The following FAM20C variants were observed in gnomAD, a reference collection of about 807,000 sequenced individuals.
FAM20C encodes FAM20C golgi associated secretory pathway kinase, also known as extracellular serine/threonine protein kinase FAM20C.
Under a neutral mutation model 51.5 loss-of-function variants are expected in FAM20C, and 40 were observed. The ratio of observed to expected loss-of-function variants is 0.78; its 90% CI spans 0.60 to 1.01. The LOEUF is 1.01. FAM20C is among the 50% of genes least tolerant of loss of function. The pLI is 0.00. For missense variants in FAM20C, 861 were observed against 844.7 expected, an observed-to-expected ratio of 1.02 and a Z score of -0.24; for synonymous variants, 406 against 380.6, an observed-to-expected ratio of 1.07 and a Z score of -0.78.
At chr7:248,276 GCA>G (rs1562393916) in intron 4 of FAM20C, 37 bp from the exon 5 acceptor site, 1 of 1,449,906 alleles carries the variant, frequency 6.9e-7, no homozygotes, top group South Asian at 1.2e-5. Context: ...CCGCTGAGCC[GCA>G]CAGAGCACAG....
chr7:241,502 G>C (rs1197656530), intron 3 of FAM20C, among the ~76,000 whole-genome samples: 1 of 151,968 alleles, frequency 6.6e-6, no homozygotes, highest in Non-Finnish European at 1.5e-5. Context: ...CGATGGAGCC[G>C]GGTCTTAGTC....
intron 2 of FAM20C, among the ~76,000 whole-genome samples, chr7:203,989 A>G (rs1320506815): frequency 6.6e-6 from 1 of 152,236 alleles, no homozygotes; most frequent in Non-Finnish European, 1.5e-5. Context: ...TAAAAAATGT[A>G]GTCACTATTC....
Position 253,756 on chromosome 7 carries a change from G to A in FAM20C, c.1073-2093G>A, listed in dbSNP as rs567672655. ...CGCCCGGGAGGCCCCTTTAATACCCGATTTGGATCTGCAAAGAGAAATGGC... is the reference window on the plus strand; with the variant it reads ...CGCCCGGGAGGCCCCTTTAATACCCAATTTGGATCTGCAAAGAGAAATGGC... On this transcript the variant is annotated intron_variant, in intron 5 of 9. Coordinates refer to ENST00000313766, the MANE Select transcript of FAM20C (RefSeq NM_020223.4). Among the ~76,000 whole-genome samples, 80 of 146,664 alleles carry A rather than the reference G, an allele frequency of 5.5e-4. No homozygotes were observed. In the Middle Eastern group the frequency reaches 0.014, roughly 26 times the overall value.
chr7:208,278 G>C (rs561486670), intron 2 of FAM20C, among the ~76,000 whole-genome samples: 1 of 151,776 alleles, frequency 6.6e-6, no homozygotes, highest in South Asian at 2.1e-4. Flanking sequence ...GTTGCCTGCA[G>C]GTAAGCACAC....
At position 222,781 on chromosome 7, in the gene FAM20C, C is replaced by T. The variant is rs149352692; in HGVS notation, c.863+13805C>T. Among the ~76,000 whole-genome samples the T allele has an allele frequency of 7.0e-4, 106 of 152,182 alleles. No homozygotes were observed. In the East Asian group the frequency reaches 0.015, roughly 22 times the overall value. On this transcript the variant is annotated intron_variant, in intron 3 of 9. Transcript: ENST00000313766. ...GTGCTCATGTGTATGAGTAGGTGAG[C>T]GTGTGGGTGTGCATTGCCTGTGTAT... is the stretch of plus-strand genomic sequence containing the variant.
At chr7:253,359 T>C (rs1788472194) in intron 5 of FAM20C, among the ~76,000 whole-genome samples, 3 of 152,312 alleles carry the variant, frequency 2.0e-5, no homozygotes, top group South Asian at 4.1e-4. Flanking sequence ...AGGAGCCATC[T>C]TCGTCCTTGC....
chr7:216,758 A>C (rs1307951347), intron 3 of FAM20C, among the ~76,000 whole-genome samples: 1 of 151,540 alleles, frequency 6.6e-6, no homozygotes, highest in Admixed American at 6.6e-5. Flanking sequence ...ACTGTCTGCA[A>C]ACAGCTGTCC....
At chr7:243,891 T>C (rs1788035552) in intron 3 of FAM20C, among the ~76,000 whole-genome samples, 1 of 150,928 alleles carries the variant, frequency 6.6e-6, no homozygotes, top group South Asian at 2.1e-4. Flanking sequence ...ACTGCCCAAC[T>C]GATAAGTAGC....
intron 3 of FAM20C, among the ~76,000 whole-genome samples, chr7:230,372 T>TTGGGGG (rs770436412): frequency 1.5e-3 from 11 of 7,464 alleles, no homozygotes; most frequent in Non-Finnish European, 3.3e-3. Flanking sequence ...CAGGACGGGG[T>TTGGGGG]GGGGGGGGGG....
At chr7:213,481 G>A (rs755860052) in intron 3 of FAM20C, among the ~76,000 whole-genome samples, 3 of 152,228 alleles carry the variant, frequency 2.0e-5, no homozygotes, top group East Asian at 3.8e-4. Flanking sequence ...TGGTTCCAAC[G>A]CTCATCGGTG....
chr7:219,572 C>G (rs34370219), intron 3 of FAM20C, among the ~76,000 whole-genome samples: 69,567 of 152,036 alleles, frequency 0.46, 16,411 homozygotes, highest in South Asian at 0.61. Context: ...CTGTGCAGAC[C>G]CCTCCTGGGG....
chr7:219,323 A>T (rs146064788), intron 3 of FAM20C, among the ~76,000 whole-genome samples: 311 of 152,052 alleles, frequency 2.0e-3, no homozygotes, highest in Non-Finnish European at 3.9e-3. Flanking sequence ...CATGGATGAA[A>T]AGTGAAGGAC....
intron 2 of FAM20C, among the ~76,000 whole-genome samples, chr7:208,576 C>CTG (rs1447050872): frequency 5.5e-5 from 4 of 72,704 alleles, no homozygotes; most frequent in Admixed American, 1.6e-4. Flanking sequence ...GTGTACATGG[C>CTG]TGTGTGGGGT....
rs1405620579 is a variant in FAM20C, at chr7:233,570, C to T, written c.864-12845C>T. On this transcript the variant is annotated intron_variant, in intron 3 of 9. Coordinates refer to ENST00000313766, the MANE Select transcript of FAM20C (RefSeq NM_020223.4). ...CTCAGGGAGGAGCCGTGTCCTGGCC[C>T]TTCCGGCTCCTGGAGGCGCCTGCGT... Among the ~76,000 whole-genome samples, 5 of 152,160 alleles carry T rather than the reference C, an allele frequency of 3.3e-5. 1 individual carries two copies. Among genetic ancestry groups the T allele is most frequent in the African/African-American group, 1.2e-4 (5 of 41,430 alleles).
intron 3 of FAM20C, among the ~76,000 whole-genome samples, chr7:236,501 T>A (rs1294790098): frequency 2.0e-5 from 3 of 152,042 alleles, no homozygotes; most frequent in Admixed American, 2.0e-4. Context: ...TGCAAAAATT[T>A]CCCCCCTTCC....
intron 2 of FAM20C, among the ~76,000 whole-genome samples, chr7:205,149 T>C (rs911311465): frequency 2.6e-5 from 4 of 152,298 alleles, no homozygotes; most frequent in South Asian, 4.1e-4. Context: ...CTGAGCCCCA[T>C]TGTTTTCTAG....
At chr7:242,776 A>G (rs1207073308) in intron 3 of FAM20C, among the ~76,000 whole-genome samples, 1 of 152,156 alleles carries the variant, frequency 6.6e-6, no homozygotes, top group African/African-American at 2.4e-5. Flanking sequence ...GACAGCGCAG[A>G]AGGTCACGTC....
At chr7:228,501 T>G (rs943555554) in intron 3 of FAM20C, 1 of 455,854 alleles carries the variant, frequency 2.2e-6, no homozygotes, top group African/African-American at 2.0e-5. Context: ...TCCCTGTCCC[T>G]CCCCTGTGAG....
intron 3 of FAM20C, among the ~76,000 whole-genome samples, chr7:243,152 ACCCAAGAGACC>A (rs1306320433): frequency 7.2e-4 from 26 of 36,122 alleles, no homozygotes; most frequent in Non-Finnish European, 9.0e-4. Context: ...GACCTGTGCC[ACCCAAGAGACC>A]TGTGCCACCC....
Sources: gnomAD v4.1 joint callset for allele counts (sites outside exome capture counted in the v4.1 genomes callset) on GRCh38, gnomAD v4.1.1 for gene constraint, MANE v1.5 for transcripts, NCBI Gene and HGNC (gene_info 2026-07-23, HGNC 2026-07-21) for gene names.